The following SAMSN1 variants were observed in gnomAD, a reference collection of about 807,000 sequenced individuals.
SAMSN1 encodes the protein SAM domain-containing protein SAMSN-1.
A neutral mutation model predicts 42.0 loss-of-function variants in SAMSN1; 31 were observed. That is an observed-to-expected ratio of 0.74 (90% CI 0.55 to 1.00). The LOEUF (loss-of-function observed/expected upper bound fraction) is 1.00, where lower values mean the gene tolerates loss of function less well. Ranked by LOEUF, SAMSN1 falls within the 50% of genes least tolerant of loss-of-function variation. The pLI is 0.00. For synonymous variants in SAMSN1, 178 were observed against 151.9 expected (o/e 1.17, Z -1.26); for missense variants, 464 against 439.4 (o/e 1.06, Z -0.50).
At chr21:14,495,355 T>G (rs893767093) in intron 7 of SAMSN1, among the ~76,000 whole-genome samples, 3 of 152,200 alleles carry the variant, frequency 2.0e-5, no homozygotes, top group Non-Finnish European at 4.4e-5. Context: ...TATTGACAAA[T>G]GGAAGTCATT....
At chr21:14,640,699 T>G (rs1330721151) in intron 2 of SAMSN1, among the ~76,000 whole-genome samples, 1 of 152,134 alleles carries the variant, frequency 6.6e-6, no homozygotes, top group Non-Finnish European at 1.5e-5. Context: ...ATCTAAGCTG[T>G]GAAATAATTT....
chr21:14,591,080 G>T (rs1232146837), intron 7 of SAMSN1, among the ~76,000 whole-genome samples: 3 of 152,082 alleles, frequency 2.0e-5, no homozygotes, highest in African/African-American at 7.2e-5. Flanking sequence ...ATTGATTGAA[G>T]AAATAATTAC....
Position 14,577,263 on chromosome 21 carries a change from TATATATATATATATATATA to T in SAMSN1, c.261+4854_261+4872del, listed in dbSNP as rs1432986479. On this transcript the variant is annotated intron_variant, in intron 2 of 8. Transcript: ENST00000285670. ...GTATATATATATATATATATATATA[TATATATATATATATATATA>T]TATTTTTTTTTTAGAAGAGACAGGG... Among the ~76,000 whole-genome samples the T allele has an allele frequency of 2.6e-4, 12 of 46,384 alleles. 1 individual carries two copies. The highest frequency in any genetic ancestry group is 1.3e-3 in the South Asian group (2 of 1,504). The allele number at this position is 46,384 out of a possible 152,430, so 30.4% of individuals were successfully genotyped here. A position where few individuals can be genotyped will look rare whatever the true frequency, so the allele number is the denominator to read the frequency against.
upstream of SAMSN1, among the ~76,000 whole-genome samples, chr21:14,659,372 C>A (rs922595538): frequency 1.3e-5 from 2 of 151,922 alleles, no homozygotes; most frequent in African/African-American, 4.8e-5. Context: ...GGGCAACTGT[C>A]ACCACCATGA....
At chr21:14,646,365 A>G (rs2123387647) in intron 1 of SAMSN1, among the ~76,000 whole-genome samples, 1 of 152,344 alleles carries the variant, frequency 6.6e-6, no homozygotes, top group African/African-American at 2.4e-5. Flanking sequence ...GTAGCATGAC[A>G]TATTTAAAGT....
Position 14,528,147 on chromosome 21 carries a change from C to T in SAMSN1, c.58-6926G>A, listed in dbSNP as rs566847019. Among the ~76,000 whole-genome samples, 14 of 152,088 alleles carry T rather than the reference C, an allele frequency of 9.2e-5. No homozygotes were observed. The East Asian group carries it at 1.9e-3, about 21-fold the overall frequency. On this transcript the variant is annotated intron_variant, in intron 1 of 7. Coordinates refer to ENST00000400566, the MANE Select transcript of SAMSN1 (RefSeq NM_022136.5). ...GAAATGAAAAGCTTTAGAAAATGTG[C>T]CCATGATGACACTATCGTGAACTGC...
In SAMSN1 at chr21:14,554,698, CTT is replaced by C. The variant is rs34880996; in HGVS notation, c.261+27436_261+27437del. 4.0e-3 allele frequency among the ~76,000 whole-genome samples: 524 copies of C among 130,482 alleles called. 3 individuals carry two copies. The highest frequency in any genetic ancestry group is 0.012 in the African/African-American group (423 of 34,760). The allele number at this position is 130,482 out of a possible 152,430, so 85.6% of individuals were successfully genotyped here. On this transcript the variant is annotated intron_variant, in intron 2 of 8. Transcript: ENST00000285670. ...CAGTTAAGTCTTTTGTTTTCTTTTT[CTT>C]TTTTTTTTTTTTTTTTGAGACAAAG...
intron 6 of SAMSN1, among the ~76,000 whole-genome samples, chr21:14,596,097 A>T (rs899047767): frequency 3.9e-5 from 6 of 152,120 alleles, no homozygotes; most frequent in Admixed American, 3.9e-4. Context: ...AGTTGCTTAA[A>T]CTCTCTTCTT....
rs573181611 is a variant in SAMSN1 at position 14,605,280 on chromosome 21, A to T, written c.323-3181T>A. On this transcript the variant is annotated intron_variant, in intron 5 of 15. Transcript: ENST00000647101. Reference sequence around the variant, plus strand: ...AAACACTAGAAGTCTAAGTGGTCTCATCGTTGAATTCAGAAAGCCTTCCTC... The same window carrying T: ...AAACACTAGAAGTCTAAGTGGTCTCTTCGTTGAATTCAGAAAGCCTTCCTC... 1.1e-4 allele frequency among the ~76,000 whole-genome samples: 16 copies of T among 152,368 alleles called. No individual in the cohort carries two copies. The East Asian group carries it at 2.9e-3, about 28-fold the overall frequency.
chr21:14,489,925 A>G (rs1986610279), intron 7 of SAMSN1, among the ~76,000 whole-genome samples: 1 of 152,156 alleles, frequency 6.6e-6, no homozygotes, highest in South Asian at 2.1e-4. Context: ...AAGAAAGGCA[A>G]TCTCAATTAT....
chr21:14,617,506 C>G (rs1477371941), intron 2 of SAMSN1, among the ~76,000 whole-genome samples: 1 of 152,120 alleles, frequency 6.6e-6, no homozygotes, highest in Non-Finnish European at 1.5e-5. Context: ...GTATTTGGAA[C>G]TCACTAGGAA....
intron 2 of SAMSN1, chr21:14,642,929 A>C (rs458292): frequency 5.3e-5 from 36 of 674,198 alleles, no homozygotes; most frequent in Non-Finnish European, 8.5e-5. Flanking sequence ...TGTATTAATA[A>C]GTATCATTAG....
At chr21:14,635,200 G>A (rs1983435876) in intron 2 of SAMSN1, among the ~76,000 whole-genome samples, 1 of 152,158 alleles carries the variant, frequency 6.6e-6, no homozygotes, top group African/African-American at 2.4e-5. Context: ...GACGAGGGGA[G>A]GGATAGCATT....
intron 1 of SAMSN1, chr21:14,643,191 G>T (rs758535548): frequency 2.8e-6 from 2 of 703,498 alleles, no homozygotes; most frequent in East Asian, 2.7e-5. Context: ...TCCTTTAAAA[G>T]GTACCTAATT....
chr21:14,616,164 T>A (rs565344246), intron 2 of SAMSN1: 1 of 343,366 alleles, frequency 2.9e-6, no homozygotes, highest in East Asian at 4.4e-5. Flanking sequence ...AAAAGACTGA[T>A]ATGTCCCCTG....
At chr21:14,491,268 C>CT (rs112877047) in intron 7 of SAMSN1, among the ~76,000 whole-genome samples, 8,629 of 144,848 alleles carry the variant, frequency 0.06, 823 homozygotes, top group African/African-American at 0.2. Flanking sequence ...CTGGCTTTCC[C>CT]TTTTTTTTTT....
intron 6 of SAMSN1, 35 bp downstream of exon 6, chr21:14,500,494 G>A (rs546645593): frequency 9.6e-6 from 15 of 1,569,188 alleles, no homozygotes; most frequent in African/African-American, 8.1e-5. Flanking sequence ...CCATTTACAT[G>A]CTTCCAAAAG....
At chr21:14,635,441 G>T (rs1249628674) in intron 2 of SAMSN1, among the ~76,000 whole-genome samples, 1 of 152,136 alleles carries the variant, frequency 6.6e-6, no homozygotes, top group Non-Finnish European at 1.5e-5. Context: ...GTCTACATTT[G>T]GTGGGAAATC....
chr21:14,491,794 T>C (rs1986699065), intron 7 of SAMSN1, among the ~76,000 whole-genome samples: 1 of 152,188 alleles, frequency 6.6e-6, no homozygotes, highest in Non-Finnish European at 1.5e-5. Flanking sequence ...TCAGCTGTTT[T>C]TAAAAGCCTA....
Sources: allele counts gnomAD v4.1 joint callset (sites outside exome capture counted in the v4.1 genomes callset), GRCh38; gene constraint gnomAD v4.1.1; transcripts MANE v1.5; gene names NCBI Gene and HGNC (gene_info 2026-07-23, HGNC 2026-07-21).